Variants in FAM78A observed in about 807,000 individuals in gnomAD.
FAM78A encodes protein FAM78A.
Under a neutral mutation model 22.6 loss-of-function variants are expected in FAM78A, and 12 were observed. The observed-to-expected ratio is 0.53, with a 90% CI of 0.34 to 0.86. The LOEUF is 0.86. FAM78A is among the 40% of genes least tolerant of loss of function. The pLI, the probability that FAM78A is intolerant of heterozygous loss-of-function variation, is 0.02. For missense variants in FAM78A, 322 were observed against 396.1 expected (o/e 0.81, Z 1.59); for synonymous variants, 151 against 155.8 (o/e 0.97, Z 0.23).
At position 131,276,468 on chromosome 9, in the gene FAM78A, G is replaced by T. The variant is rs1038643567; in HGVS notation, c.-289C>A. On this transcript the variant is annotated 5_prime_UTR_variant, in exon 1 of 2. Coordinates refer to ENST00000372271, the MANE Select transcript of FAM78A (RefSeq NM_033387.4). This position sits in a 1 kb window ranked among gnomAD's most constrained non-coding sequence, Gnocchi z 4.3. ...CATCCAGCCCTTCTGTGCCTCACACGCGGGGACGGCAGCTCGCAGACTCTC... is the reference window on the plus strand; with the variant it reads ...CATCCAGCCCTTCTGTGCCTCACACTCGGGGACGGCAGCTCGCAGACTCTC... 1 of 278,850 alleles carries T rather than the reference G, an allele frequency of 3.6e-6. No homozygotes were observed. 17.3% of individuals were successfully genotyped at this position (278,850 alleles called of 1,614,324 possible). A position where few individuals can be genotyped will look rare whatever the true frequency, so the allele number is the denominator to read the frequency against.
chr9:131,280,318 C>T (rs896576894), upstream of FAM78A, among the ~76,000 whole-genome samples: 17 of 152,188 alleles, frequency 1.1e-4, no homozygotes, highest in Admixed American at 3.9e-4. Context: ...TCCTCCTGCT[C>T]GTCATTTTCC....
In FAM78A at chr9:131,275,582, G is replaced by C. The variant is rs919800226; in HGVS notation, c.323+275C>G. Among the ~76,000 whole-genome samples the C allele has an allele frequency of 6.6e-6, 1 of 152,222 alleles. No individual in the cohort carries two copies. Among genetic ancestry groups the C allele is most frequent in the Non-Finnish European group, 1.5e-5 (1 of 68,046 alleles). ...GAAACACTGGGAGTAATGTCTCTCTGCTTTCTCGGCATCTTGCAGGGAAGG... is the reference window on the plus strand; with the variant it reads ...GAAACACTGGGAGTAATGTCTCTCTCCTTTCTCGGCATCTTGCAGGGAAGG... On this transcript the variant is annotated intron_variant, in intron 1 of 1. Coordinates refer to ENST00000372271, the MANE Select transcript of FAM78A (RefSeq NM_033387.4). This position sits in a 1 kb window ranked among gnomAD's most constrained non-coding sequence, Gnocchi z 4.6.
intron 1 of FAM78A, chr9:131,270,465 C>T: frequency 1.4e-6 from 1 of 717,114 alleles, no homozygotes; most frequent in Non-Finnish European, 2.6e-6. Flanking sequence ...CTCACTTGGT[C>T]TCCAATGTTT....
chr9:131,262,343 T>C (rs956051206), intron 1 of FAM78A, among the ~76,000 whole-genome samples: 1 of 148,358 alleles, frequency 6.7e-6, no homozygotes, highest in African/African-American at 2.5e-5. Flanking sequence ...CGGGGTACGG[T>C]AGCAGATGCC....
chr9:131,267,498 C>G (rs1835359707), intron 1 of FAM78A, among the ~76,000 whole-genome samples: 1 of 152,160 alleles, frequency 6.6e-6, no homozygotes, highest in Non-Finnish European at 1.5e-5. Flanking sequence ...TGCACCACAG[C>G]ACTCCAGCCT....
chr9:131,275,947 G>A lies in FAM78A; in HGVS notation c.233C>T (p.Pro78Leu). The change falls in exon 1 of 2, where the codon CCG becomes CTG. Residue 78 changes from proline (P) to leucine (L), a missense_variant. Coordinates refer to ENST00000372271, the MANE Select transcript of FAM78A (RefSeq NM_033387.4). The surrounding 1 kb of genome is among the most constrained non-coding windows in gnomAD (Gnocchi z 4.6). ...CCAAGTCTCCTTCTTGGGGATGGGC[G>A]GCATGACCACCTGGGCCGAGGCCCG... Reference protein sequence around the residue: ...HFRASAQVVMPPIPKKETWVV... With the variant: ...HFRASAQVVMLPIPKKETWVV... 2 of 1,613,460 alleles carry A rather than the reference G, an allele frequency of 1.2e-6. No homozygotes were observed. Among genetic ancestry groups the A allele is most frequent in the Non-Finnish European group, 8.5e-7 (1 of 1,180,002 alleles).
upstream of FAM78A, among the ~76,000 whole-genome samples, chr9:131,276,821 C>T (rs1443831949): frequency 1.3e-5 from 2 of 149,698 alleles, no homozygotes; most frequent in African/African-American, 4.9e-5. The surrounding 1 kb of genome is among the most constrained non-coding windows in gnomAD (Gnocchi z 4.3). Context: ...CTCGCGGGCG[C>T]GGGCCGGACG....
In FAM78A at chr9:131,260,004, C is replaced by G. The variant is rs1157740306; in HGVS notation, c.*818G>C. The stretch of plus-strand genomic sequence containing the variant: ...GGCCAGGCGACTGGTGGAGCCACCC[C>G]CCGCCAGAGCTCACAGCCCCTCTCC... On this transcript the variant is annotated 3_prime_UTR_variant, in exon 2 of 2. Coordinates refer to ENST00000372271, the MANE Select transcript of FAM78A (RefSeq NM_033387.4). This position sits in a 1 kb window ranked among gnomAD's most constrained non-coding sequence, Gnocchi z 5.4. 1.3e-5 allele frequency: 2 copies of G among 152,702 alleles called. No homozygotes were observed. The highest frequency in any genetic ancestry group is 2.9e-5 in the Non-Finnish European group (2 of 68,148). 9.5% of individuals were successfully genotyped at this position (152,702 alleles called of 1,614,324 possible).
chr9:131,277,556 G>A (rs2131200699), upstream of FAM78A, among the ~76,000 whole-genome samples: 1 of 151,862 alleles, frequency 6.6e-6, no homozygotes, highest in African/African-American at 2.4e-5. This position sits in a 1 kb window ranked among gnomAD's most constrained non-coding sequence, Gnocchi z 8.4. Context: ...ACCTGCCCCG[G>A]GGGCCACTCC....
chr9:131,266,018 C>T (rs1564236859), intron 1 of FAM78A, among the ~76,000 whole-genome samples: 2 of 152,182 alleles, frequency 1.3e-5, no homozygotes, highest in South Asian at 2.1e-4. Context: ...CCATGTCTCA[C>T]GAAGCCCTGA....
Position 131,261,436 on chromosome 9 carries a change from G to A in FAM78A, c.324-86C>T, listed in dbSNP as rs1835268197. 2.2e-6 allele frequency: 3 copies of A among 1,360,394 alleles called. No homozygotes were observed. Among genetic ancestry groups the A allele is most frequent in the African/African-American group, 1.5e-5 (1 of 68,500 alleles). The allele number at this position is 1,360,394 out of a possible 1,614,324, so 84.3% of individuals were successfully genotyped here. ...CCTGGCAGGCCAGGGGCTGTCCTGG[G>A]CCCTGAGGATGGAACGGACCCAGCA... On this transcript the variant is annotated intron_variant, in intron 1 of 1. Transcript: ENST00000372271. This position sits in a 1 kb window ranked among gnomAD's most constrained non-coding sequence, Gnocchi z 7.1.
At chr9:131,268,958 G>A (rs1835382264) in intron 1 of FAM78A, among the ~76,000 whole-genome samples, 1 of 151,508 alleles carries the variant, frequency 6.6e-6, no homozygotes, top group South Asian at 2.1e-4. Flanking sequence ...CCAGCACTTT[G>A]GGAGCCAGAG....
chr9:131,262,767 A>T (rs972929727), intron 1 of FAM78A: 3 of 152,146 alleles, frequency 2.0e-5, no homozygotes, highest in Admixed American at 2.0e-4. Flanking sequence ...TGAGGACGTT[A>T]TGTTGAGTGA....
rs1835474844 is a variant in FAM78A, at chr9:131,275,768, C to T, written c.323+89G>A. 25 of 1,378,414 alleles carry T rather than the reference C, an allele frequency of 1.8e-5. No individual in the cohort carries two copies. Among genetic ancestry groups the T allele is most frequent in the Non-Finnish European group, 2.3e-5 (24 of 1,022,570 alleles). 85.4% of individuals were successfully genotyped at this position (1,378,414 alleles called of 1,614,324 possible). ...CCTCCGTCCTGTCTTCATGGTATCT[C>T]CACCTTCCCCCTATCCGCGGCCCCC... On this transcript the variant is annotated intron_variant, in intron 1 of 1. Transcript: ENST00000372271. This position sits in a 1 kb window ranked among gnomAD's most constrained non-coding sequence, Gnocchi z 4.6.
intron 1 of FAM78A, among the ~76,000 whole-genome samples, chr9:131,262,454 T>G: frequency 6.9e-6 from 1 of 145,578 alleles, no homozygotes. Context: ...CCAGCATGGG[T>G]GACAGAGTGA....
rs771097879 is a variant in FAM78A at position 131,261,121 on chromosome 9, G to A, written c.553C>T (p.Arg185Trp). The A allele has an allele frequency of 5.6e-6, 9 of 1,614,014 alleles. No homozygotes were observed. The highest frequency in any genetic ancestry group is 3.3e-5 in the Admixed American group (2 of 59,998). Residue 185 changes from arginine (R) to tryptophan (W), a missense_variant, in exon 2 of 2, where the codon CGG (arginine) becomes TGG (tryptophan). Arg to Trp is a moderately radical substitution (Grantham distance 101). Transcript: ENST00000372271. This position sits in a 1 kb window ranked among gnomAD's most constrained non-coding sequence, Gnocchi z 7.1. ...SNVAKLTNIY[R>W]DQSFTTWLVA... ...AGCCAGGTGGTGAAGCTCTGGTCCC[G>A]GTAGATATTGGTGAGCTTGGCCACG...
Position 131,276,087 on chromosome 9 carries a change from G to A in FAM78A, c.93C>T (p.Ala31=), listed in dbSNP as rs1168834801. 1.4e-5 allele frequency: 22 copies of A among 1,613,718 alleles called. No individual in the cohort carries two copies. Among genetic ancestry groups the A allele is most frequent in the Non-Finnish European group, 1.7e-5 (20 of 1,180,036 alleles). The stretch of plus-strand genomic sequence containing the variant: ...CCGTGATCCCTTCCCGGAAGACTCT[G>A]GCTTTGCCTCCGATGCTCTGAATAC... ...MGCIQSIGGK[A]RVFREGITVI... is the part of the protein sequence containing the mutation. Residue 31 remains alanine, a synonymous_variant, in exon 1 of 2, where the codon GCC becomes GCT. Transcript: ENST00000372271. This position sits in a 1 kb window ranked among gnomAD's most constrained non-coding sequence, Gnocchi z 4.3.
rs1252321175 is a variant in FAM78A, at chr9:131,274,090, G to A, written c.323+1767C>T. On this transcript the variant is annotated intron_variant, in intron 1 of 1. Transcript: ENST00000372271. This position sits in a 1 kb window ranked among gnomAD's most constrained non-coding sequence, Gnocchi z 4.2. ...CCACACCTACTCAGGGTCACCAGAT[G>A]GAGAACAAGTCTTAGACAAGACATC... Among the ~76,000 whole-genome samples, 1 of 152,238 alleles carries A rather than the reference G, an allele frequency of 6.6e-6. No homozygotes were observed. The highest frequency in any genetic ancestry group is 1.5e-5 in the Non-Finnish European group (1 of 68,046).
chr9:131,275,715 T>C lies in FAM78A; in HGVS notation c.323+142A>G. ...GAGCCACCGGGCCAATGAGGCCACC[T>C]GCATACCTGCCTAAAGCTTCCCTCT... On this transcript the variant is annotated intron_variant, in intron 1 of 1. Transcript: ENST00000372271. This position sits in a 1 kb window ranked among gnomAD's most constrained non-coding sequence, Gnocchi z 4.6. 1.1e-6 allele frequency: 1 copy of C among 907,370 alleles called. No homozygotes were observed. Among genetic ancestry groups the C allele is most frequent in the East Asian group, 2.7e-5 (1 of 37,258 alleles). The allele number at this position is 907,370 out of a possible 1,614,324, so 56.2% of individuals were successfully genotyped here. A position where few individuals can be genotyped will look rare whatever the true frequency, so the allele number is the denominator to read the frequency against.
Sources: allele counts gnomAD v4.1 joint callset (sites outside exome capture counted in the v4.1 genomes callset), GRCh38; gene constraint gnomAD v4.1.1; non-coding constraint Gnocchi (gnomAD v3.1); transcripts MANE v1.5; gene names NCBI Gene and HGNC (gene_info 2026-07-23, HGNC 2026-07-21).